Variants in HNRNPU observed in about 807,000 individuals in gnomAD.
HNRNPU encodes the protein HNRNPU antisense RNA 1.
HNRNPU carries 5 observed loss-of-function variants against 94.7 expected under a neutral mutation model. That is an observed-to-expected ratio of 0.05 (90% CI 0.03 to 0.11). The LOEUF is 0.11. HNRNPU is among the 10% of genes least tolerant of loss of function. HNRNPU has a pLI of 1.00. For missense variants in HNRNPU, 710 were observed against 1,049.2 expected, an observed-to-expected ratio of 0.68 and a Z score of 4.47; for synonymous variants, 434 against 381.6, an observed-to-expected ratio of 1.14 and a Z score of -1.60.
At chr1:244,859,563 T>C (rs1680772823) in intron 4 of HNRNPU, 189 bp from the exon 5 acceptor site, 1 of 408,626 alleles carries the variant, frequency 2.4e-6, no homozygotes, top group African/African-American at 2.0e-5. Flanking sequence ...TTTAAAGAGT[T>C]AAATACTTAT....
chr1:244,859,370 G>A lies in HNRNPU; in HGVS notation c.1022C>T (p.Thr341Ile), dbSNP rs759730699. Residue 341 changes from threonine (T) to isoleucine (I), a missense_variant, in exon 5 of 14, where the codon ACA (threonine) becomes ATA (isoleucine). Thr to Ile is a moderately conservative substitution (Grantham distance 89). This residue lies in a region of HNRNPU where 31 missense variants were observed against 86.8 expected (regional missense o/e 0.36). Transcript: ENST00000640218. ...KGKVCFEMKV[T>I]EKIPVRHLYT... The stretch of plus-strand genomic sequence containing the variant: ...TAAATGCCTTACTGGGATCTTCTCT[G>A]TAACCTGAAAGTCAAATCATTAAAT... 6.7e-7 allele frequency: 1 copy of A among 1,490,568 alleles called. No homozygotes were observed. The highest frequency in any genetic ancestry group is 9.4e-7 in the Non-Finnish European group (1 of 1,069,048). The allele number at this position is 1,490,568 out of a possible 1,614,324, so 92.3% of individuals were successfully genotyped here.
Position 244,856,709 on chromosome 1 carries a change from T to C in HNRNPU, c.1743+19A>G. On this transcript the variant is annotated intron_variant, in intron 9 of 13. Coordinates refer to ENST00000640218, the MANE Select transcript of HNRNPU (RefSeq NM_031844.3). ...TAAATTATCAGTTAATATTTTTCAA[T>C]TTCAAAGCTACAGCGTACCTGATCC... 1 of 1,606,344 alleles carries C rather than the reference T, an allele frequency of 6.2e-7. No individual in the cohort carries two copies. Among genetic ancestry groups the C allele is most frequent in the South Asian group, 1.1e-5 (1 of 89,474 alleles).
rs1455054980 is a variant in HNRNPU, at chr1:244,863,833, C to G, written c.475G>C (p.Gly159Arg). ...EEGAGDENGH[G>R]EQQPQPPATQ... ...GCCGGCGGTTGAGGCTGCTGCTCCC[C>G]GTGCCCGTTCTCGTCGCCCGCGCCT... Residue 159 changes from glycine to arginine, a missense_variant, in exon 1 of 14, where the codon GGG (glycine) becomes CGG (arginine). Around this residue, in one of 8 missense-constraint regions of HNRNPU, gnomAD observed 292 missense variants for 293.4 expected, o/e 1.00. Transcript: ENST00000640218. The G allele has an allele frequency of 1.9e-6, 3 of 1,611,930 alleles. No individual in the cohort carries two copies. Among genetic ancestry groups the G allele is most frequent in the Non-Finnish European group, 2.5e-6 (3 of 1,179,512 alleles).
At chr1:244,860,614 A>G (rs564961664) in intron 3 of HNRNPU, 140 bp from the exon 4 acceptor site, 1 of 658,616 alleles carries the variant, frequency 1.5e-6, no homozygotes, top group South Asian at 2.0e-5. Flanking sequence ...TGTTGTTCCA[A>G]TTTTCAGTTT....
rs6675421 is a variant in HNRNPU, at chr1:244,864,047, C to T, written c.261G>A (p.Glu87=). The stretch of plus-strand genomic sequence containing the variant: ...TTCCTTCCTCCTCCTCTTCCTCTTC[C>T]TCCTCCTCTTCATCGCCGCCGGCCG... ...EAAAGGDEEE[E]EEEEEEEGIS... Residue 87 remains glutamate (E), a synonymous_variant, in exon 1 of 14, where the codon GAG becomes GAA. Coordinates refer to ENST00000640218, the MANE Select transcript of HNRNPU (RefSeq NM_031844.3). 0.24 allele frequency: 391,450 copies of T among 1,608,226 alleles called. 50,356 individuals are homozygous for T. Among genetic ancestry groups the T allele is most frequent in the Admixed American group, 0.4 (23,897 of 59,288 alleles).
chr1:244,862,413 A>AAAC, intron 3 of HNRNPU, 48 bp downstream of exon 3: 1 of 1,308,634 alleles, frequency 7.6e-7, no homozygotes, highest in Non-Finnish European at 1.1e-6. Context: ...AAAAAAAAAA[A>AAAC]ACCACCATCA....
intron 9 of HNRNPU, 22 bp downstream of exon 9, chr1:244,856,706 C>T: frequency 6.2e-7 from 1 of 1,605,146 alleles, no homozygotes; most frequent in Non-Finnish European, 8.5e-7. Flanking sequence ...TAATATTTTT[C>T]AATTTCAAAG....
At position 244,853,307 on chromosome 1, in the gene HNRNPU, GCA is replaced by G. The variant is rs1340825526; in HGVS notation, c.*1141_*1142del. The G allele has an allele frequency of 1.3e-5, 2 of 152,488 alleles. No homozygotes were observed. Among genetic ancestry groups the G allele is most frequent in the Non-Finnish European group, 2.9e-5 (2 of 67,962 alleles). The allele number at this position is 152,488 out of a possible 1,614,324, so 9.4% of individuals were successfully genotyped here. ...GAGTAAAGAATAAGCTGTCCAGAAAGCACACACTTAATAAATTTCTCCTCTTG... is the reference window on the plus strand; with the variant it reads ...GAGTAAAGAATAAGCTGTCCAGAAAGCACACTTAATAAATTTCTCCTCTTG... On this transcript the variant is annotated 3_prime_UTR_variant, in exon 14 of 14. Transcript: ENST00000640218.
chr1:244,855,107 G>T, intron 12 of HNRNPU, 63 bp from the exon 13 acceptor site: 1 of 1,287,310 alleles, frequency 7.8e-7, no homozygotes, highest in Non-Finnish European at 1.1e-6. Flanking sequence ...TTGTGGGGGT[G>T]AGAGAGAGGA....
chr1:244,857,770 A>G (rs1422804517), intron 7 of HNRNPU, 53 bp from the exon 8 acceptor site: 2 of 1,574,808 alleles, frequency 1.3e-6, no homozygotes, highest in African/African-American at 2.7e-5. Flanking sequence ...CCACCTAATA[A>G]TTCTTTAAAT....
rs1232061604 is a variant in HNRNPU at position 244,862,156 on chromosome 1, ATAGG to A, written c.877+301_877+304del. On this transcript the variant is annotated intron_variant, in intron 3 of 13. Transcript: ENST00000640218. The stretch of plus-strand genomic sequence containing the variant: ...TTGTAGAAGCCTGTAAGGCTAAATT[ATAGG>A]TAGTGTTACAAGTTTCCGTTAGCTA... 1.4e-5 allele frequency: 4 copies of A among 294,452 alleles called. No homozygotes were observed. The East Asian group carries it at 2.5e-4, about 19-fold the overall frequency. 18.2% of individuals were successfully genotyped at this position (294,452 alleles called of 1,614,324 possible).
chr1:244,857,607 A>C lies in HNRNPU; in HGVS notation c.1605T>G (p.Asp535Glu). 1 of 1,613,090 alleles carries C rather than the reference A, an allele frequency of 6.2e-7. No homozygotes were observed. Among genetic ancestry groups the C allele is most frequent in the East Asian group, 2.2e-5 (1 of 44,864 alleles). Residue 535 changes from aspartate (D) to glutamate (E), a missense_variant, in exon 8 of 14, where the codon GAT (aspartate) becomes GAG (glutamate). By Grantham distance (45) the Asp-to-Glu change is conservative (BLOSUM62 2). Coordinates refer to ENST00000640218, the MANE Select transcript of HNRNPU (RefSeq NM_031844.3). ...YNILGTNTIM[D>E]KMMVAGFKKQ... ...TAAACATTTTACTTACCATCATCTT[A>C]TCCATAATAGTATTTGTGCCAAGAA...
chr1:244,857,968 G>C, intron 7 of HNRNPU, 43 bp downstream of exon 7: 1 of 1,545,168 alleles, frequency 6.5e-7, no homozygotes, highest in Non-Finnish European at 8.7e-7. Context: ...TGCCAGGCAA[G>C]CAATATTCAA....
At chr1:244,863,260 G>C (rs1340411605) in intron 1 of HNRNPU, among the ~76,000 whole-genome samples, 1 of 146,882 alleles carries the variant, frequency 6.8e-6, no homozygotes, top group Non-Finnish European at 1.5e-5. Flanking sequence ...CCCGCACCGC[G>C]CGCACGCAGC....
intron 6 of HNRNPU, 43 bp downstream of exon 6, chr1:244,858,686 A>G (rs1482207525): frequency 9.6e-7 from 1 of 1,042,682 alleles, no homozygotes; most frequent in South Asian, 1.3e-5. Context: ...AGATATAGCT[A>G]CTAACTTTGC....
intron 3 of HNRNPU, chr1:244,862,083 C>A: frequency 5.8e-6 from 1 of 172,344 alleles, no homozygotes; most frequent in South Asian, 1.6e-4. Flanking sequence ...ATTTAACTAG[C>A]CCAAATAGCT....
At position 244,858,257 on chromosome 1, in the gene HNRNPU, T is replaced by C; in HGVS notation, c.1248A>G (p.Glu416=). 1 of 1,613,648 alleles carries C rather than the reference T, an allele frequency of 6.2e-7. No individual in the cohort carries two copies. The highest frequency in any genetic ancestry group is 8.5e-7 in the Non-Finnish European group (1 of 1,179,734). The change falls in exon 7 of 14, where the codon GAA becomes GAG. Residue 416 remains glutamate (E), a synonymous_variant. Coordinates refer to ENST00000640218, the MANE Select transcript of HNRNPU (RefSeq NM_031844.3). The stretch of plus-strand genomic sequence containing the variant: ...CATTCTTAGCATACGAGAGTTCTAC[T>C]TCATCACTTTCAAAGTTCTGTTACA... ...ITCFANFESD[E]VELSYAKNGQ...
intron 11 of HNRNPU, 39 bp downstream of exon 11, chr1:244,855,865 G>A (rs190132789): frequency 5.0e-6 from 8 of 1,598,522 alleles, no homozygotes; most frequent in South Asian, 4.5e-5. Context: ...CACTTGTTTC[G>A]ATCCTGAACT....
chr1:244,854,369 A>G lies in HNRNPU; in HGVS notation c.*81T>C. ...GCACTTCCTCTTGTGGAATGTTTAA[A>G]AAGTTAGCCTACTAAAGAAAACAGT... On this transcript the variant is annotated 3_prime_UTR_variant, in exon 14 of 14. Transcript: ENST00000640218. The G allele has an allele frequency of 1.0e-6, 1 of 952,576 alleles. No homozygotes were observed. Among genetic ancestry groups the G allele is most frequent in the South Asian group, 1.3e-5 (1 of 74,194 alleles). 59.0% of individuals were successfully genotyped at this position (952,576 alleles called of 1,614,324 possible). A position where few individuals can be genotyped will look rare whatever the true frequency, so the allele number is the denominator to read the frequency against.
Sources: gnomAD v4.1 joint callset for allele counts (sites outside exome capture counted in the v4.1 genomes callset) on GRCh38, gnomAD v4.1.1 for gene constraint, gnomAD v4.1.1 regional missense constraint, MANE v1.5 for transcripts, NCBI Gene and HGNC (gene_info 2026-07-23, HGNC 2026-07-21) for gene names.